POLDIP2: variants seen among roughly 807,000 people sequenced by gnomAD.
The protein encoded by POLDIP2 is polymerase delta-interacting protein 2.
A neutral mutation model predicts 52.9 loss-of-function variants in POLDIP2; 32 were observed. The ratio of observed to expected loss-of-function variants is 0.61; its 90% CI spans 0.46 to 0.81. The LOEUF (loss-of-function observed/expected upper bound fraction) is 0.81. Among genes scored for constraint, POLDIP2 ranks in the 40% least tolerant of loss-of-function variants. The probability of loss-of-function intolerance (pLI) is 0.00; values close to 1 mark genes in which losing one functional copy is unlikely to be tolerated. For synonymous variants in POLDIP2, 183 were observed against 183.0 expected (o/e 1.00, Z 0.00); for missense variants, 371 against 477.3 (o/e 0.78, Z 2.07).
chr17:28,357,267 C>T, intron 1 of POLDIP2, 21 bp downstream of exon 1: 1 of 1,559,164 alleles, frequency 6.4e-7, no homozygotes. Context: ...GTTCCTCGCG[C>T]CCCCTGGCTC....
Position 28,357,525 on chromosome 17 carries a change from A to G in POLDIP2, c.-77T>C, listed in dbSNP as rs1026117755. The G allele has an allele frequency of 2.0e-6, 3 of 1,476,428 alleles. No homozygotes were observed. The highest frequency in any genetic ancestry group is 4.9e-5 in the East Asian group (2 of 41,096). 91.5% of individuals were successfully genotyped at this position (1,476,428 alleles called of 1,614,324 possible). A position where few individuals can be genotyped will look rare whatever the true frequency, so the allele number is the denominator to read the frequency against. On this transcript the variant is annotated 5_prime_UTR_variant, in exon 1 of 11. Transcript: ENST00000540200. ...GGGCGGCGTTCCGCCCCAGTCCCAC[A>G]CTGCCCCGCGCGGCGTCCCGGCCCT...
intron 2 of POLDIP2, among the ~76,000 whole-genome samples, chr17:28,355,432 A>C (rs1555580706): frequency 6.6e-6 from 1 of 152,168 alleles, no homozygotes; most frequent in Non-Finnish European, 1.5e-5. Context: ...ACATGGAGAA[A>C]CCGCATCTCC....
At chr17:28,348,535 A>T (rs1907673163) in intron 10 of POLDIP2, among the ~76,000 whole-genome samples, 1 of 152,192 alleles carries the variant, frequency 6.6e-6, no homozygotes, top group Admixed American at 6.5e-5. Flanking sequence ...CAACATGGAG[A>T]AACCCCGTCT....
intron 4 of POLDIP2, 91 bp from the exon 5 acceptor site, chr17:28,353,407 A>C (rs1907889204): frequency 2.8e-6 from 2 of 721,322 alleles, no homozygotes; most frequent in African/African-American, 3.5e-5. Flanking sequence ...CTGTAATCCC[A>C]GCTACTCGGG....
At chr17:28,351,921 A>G in intron 6 of POLDIP2, 121 bp from the exon 7 acceptor site, 5 of 847,520 alleles carry the variant, frequency 5.9e-6, no homozygotes, top group Non-Finnish European at 7.7e-6. Flanking sequence ...GTGGTGGCCC[A>G]GGCAAACAAG....
chr17:28,357,481 CAG>C lies in POLDIP2; in HGVS notation c.-35_-34del, dbSNP rs1401214856. The C allele has an allele frequency of 2.8e-6, 4 of 1,432,808 alleles. No homozygotes were observed. The highest frequency in any genetic ancestry group is 2.7e-6 in the Non-Finnish European group (3 of 1,105,676). 88.8% of individuals were successfully genotyped at this position (1,432,808 alleles called of 1,614,324 possible). ...CCGAGCGCCCGCCCGGCTGCTGACA[CAG>C]AGCCCGACCCGCGGCCGGGCGGCGT... is the stretch of plus-strand genomic sequence containing the variant. On this transcript the variant is annotated 5_prime_UTR_variant, in exon 1 of 11. Transcript: ENST00000540200.
Position 28,348,026 on chromosome 17 carries a change from C to G in POLDIP2, c.*91G>C. 2.7e-6 allele frequency: 2 copies of G among 739,030 alleles called. No homozygotes were observed. The highest frequency in any genetic ancestry group is 2.4e-6 in the Non-Finnish European group (1 of 423,804). The allele number at this position is 739,030 out of a possible 1,614,324, so 45.8% of individuals were successfully genotyped here. Reference sequence around the variant, plus strand: ...TCAAATTAAGAGACCCACTGTGGCCCATGATGGGGAGAGAAGAGTTCTGCA... The same window carrying G: ...TCAAATTAAGAGACCCACTGTGGCCGATGATGGGGAGAGAAGAGTTCTGCA... On this transcript the variant is annotated 3_prime_UTR_variant, in exon 11 of 11. Transcript: ENST00000540200.
Position 28,348,060 on chromosome 17 carries a change from G to T in POLDIP2, c.*57C>A. On this transcript the variant is annotated 3_prime_UTR_variant, in exon 11 of 11. Coordinates refer to ENST00000540200, the MANE Select transcript of POLDIP2 (RefSeq NM_015584.5). ...GAGAGAAGAGTTCTGCAGCAATTGTGGGATGAGAGTTGTTCTTCCCGGTGA... is the reference window on the plus strand; with the variant it reads ...GAGAGAAGAGTTCTGCAGCAATTGTTGGATGAGAGTTGTTCTTCCCGGTGA... 1.0e-6 allele frequency: 1 copy of T among 958,784 alleles called. No homozygotes were observed. The highest frequency in any genetic ancestry group is 1.7e-6 in the Non-Finnish European group (1 of 589,086). 59.4% of individuals were successfully genotyped at this position (958,784 alleles called of 1,614,324 possible). A position where few individuals can be genotyped will look rare whatever the true frequency, so the allele number is the denominator to read the frequency against.
Position 28,347,142 on chromosome 17 carries a change from A to G in POLDIP2, c.*975T>C, listed in dbSNP as rs1202978476. 6.6e-6 allele frequency: 1 copy of G among 152,130 alleles called. No homozygotes were observed. Among genetic ancestry groups the G allele is most frequent in the Non-Finnish European group, 1.5e-5 (1 of 68,044 alleles). The allele number at this position is 152,130 out of a possible 1,614,324, so 9.4% of individuals were successfully genotyped here. A position where few individuals can be genotyped will look rare whatever the true frequency, so the allele number is the denominator to read the frequency against. ...AAGCGCGACTGTACTGTTGCCCTGCAACCCCAGCTCCCCCTGGAGGACTAA... is the reference window on the plus strand; with the variant it reads ...AAGCGCGACTGTACTGTTGCCCTGCGACCCCAGCTCCCCCTGGAGGACTAA... On this transcript the variant is annotated 3_prime_UTR_variant, in exon 11 of 11. Transcript: ENST00000540200.
chr17:28,355,737 C>CT (rs1175779027), intron 2 of POLDIP2, 58 bp downstream of exon 2: 1 of 1,363,970 alleles, frequency 7.3e-7, no homozygotes, highest in Non-Finnish European at 1.0e-6. Flanking sequence ...CCTAATCTGA[C>CT]TTTTTTCAGA....
At chr17:28,348,302 G>A (rs1397983561) in intron 10 of POLDIP2, 71 bp from the exon 11 acceptor site, 27 of 900,988 alleles carry the variant, frequency 3.0e-5, no homozygotes, top group Non-Finnish European at 4.9e-5. Context: ...ATGGCCCCAT[G>A]CCCTCAGCTG....
rs781931206 is a variant in POLDIP2 at position 28,353,458 on chromosome 17, G to A, written c.439-142C>T. ...AATCACTTGAACCCGGGAGGCAGAG[G>A]TTGCAGTGAGCTGAGATCTCACCAC... On this transcript the variant is annotated intron_variant, in intron 4 of 10. Transcript: ENST00000540200. The A allele has an allele frequency of 4.9e-4, 277 of 565,694 alleles. 1 individual carries two copies. Among genetic ancestry groups the A allele is most frequent in the Non-Finnish European group, 7.5e-4 (232 of 308,298 alleles). 35.0% of individuals were successfully genotyped at this position (565,694 alleles called of 1,614,324 possible).
intron 1 of POLDIP2, 69 bp downstream of exon 1, chr17:28,357,219 G>T: frequency 7.1e-7 from 1 of 1,414,978 alleles, no homozygotes; most frequent in Non-Finnish European, 9.3e-7. Context: ...CCTGGCCTCC[G>T]CACTGGCTAG....
Position 28,355,889 on chromosome 17 carries a change from G to C in POLDIP2, c.162-13C>G. The C allele has an allele frequency of 6.2e-7, 1 of 1,602,574 alleles. No homozygotes were observed. Among genetic ancestry groups the C allele is most frequent in the Non-Finnish European group, 8.5e-7 (1 of 1,171,426 alleles). Reference sequence around the variant, plus strand: ...CTCTGGTCGGTTTCTGAGTAGGAAGGAAAAGAACAAGCAACAGAAAAGCTG... The same window carrying C: ...CTCTGGTCGGTTTCTGAGTAGGAAGCAAAAGAACAAGCAACAGAAAAGCTG... On this transcript the variant is annotated splice_polypyrimidine_tract_variant and intron_variant, in intron 1 of 10. Transcript: ENST00000540200.
intron 10 of POLDIP2, 26 bp from the exon 11 acceptor site, chr17:28,348,257 GAAGGAGCCAGGGCT>G: frequency 6.5e-7 from 1 of 1,535,612 alleles, no homozygotes; most frequent in South Asian, 1.1e-5. Context: ...AGCTGGTTTA[GAAGGAGCCAGGGCT>G]GAGGCCTCCT....
At chr17:28,355,915 A>G (rs1555580845) in intron 1 of POLDIP2, 39 bp from the exon 2 acceptor site, 5 of 1,497,016 alleles carry the variant, frequency 3.3e-6, no homozygotes, top group Non-Finnish European at 4.6e-6. Context: ...AGAAAAGCTG[A>G]GAAGGTAATG....
chr17:28,353,635 A>T (rs1252833306), intron 4 of POLDIP2, 60 bp downstream of exon 4: 8 of 1,193,284 alleles, frequency 6.7e-6, no homozygotes, highest in Non-Finnish European at 1.0e-5. Flanking sequence ...CTTTGTCCCC[A>T]TTGGGATGCA....
At chr17:28,353,520 C>CAAAGAAAAAAAAAAAAAA (rs1907897305) in intron 4 of POLDIP2, among the ~76,000 whole-genome samples, 175 bp downstream of exon 4, 1 of 54,814 alleles carries the variant, frequency 1.8e-5, no homozygotes, top group African/African-American at 1.0e-4. Flanking sequence ...GACTCCATAT[C>CAAAGAAAAAAAAAAAAAA]AAAAAAAAAA....
Position 28,357,454 on chromosome 17 carries a change from G to A in POLDIP2, c.-6C>T. The A allele has an allele frequency of 2.8e-6, 4 of 1,432,550 alleles. No homozygotes were observed. Among genetic ancestry groups the A allele is most frequent in the Non-Finnish European group, 3.6e-6 (4 of 1,106,748 alleles). 88.7% of individuals were successfully genotyped at this position (1,432,550 alleles called of 1,614,324 possible). On this transcript the variant is annotated 5_prime_UTR_variant, in exon 1 of 11. Coordinates refer to ENST00000540200, the MANE Select transcript of POLDIP2 (RefSeq NM_015584.5). ...CGGGCTGTACAGGCTGCCATGTCCC[G>A]CCCGAGCGCCCGCCCGGCTGCTGAC...
Sources: gnomAD v4.1 joint callset for allele counts (sites outside exome capture counted in the v4.1 genomes callset) on GRCh38, gnomAD v4.1.1 for gene constraint, MANE v1.5 for transcripts, NCBI Gene and HGNC (gene_info 2026-07-23, HGNC 2026-07-21) for gene names.